The following ROBO2 variants were observed in gnomAD, a reference collection of about 807,000 sequenced individuals.
ROBO2 encodes roundabout homolog 2.
ROBO2 carries 53 observed loss-of-function variants against 160.8 expected under a neutral mutation model. That is an observed-to-expected ratio of 0.33 (90% CI 0.26 to 0.41). The LOEUF (loss-of-function observed/expected upper bound fraction) is 0.41. Among genes scored for constraint, ROBO2 ranks in the 10% least tolerant of loss-of-function variants. The pLI is 1.00. For synonymous variants in ROBO2, 664 were observed against 611.7 expected (o/e 1.09, Z -1.26); for missense variants, 1,577 against 1,722.4 (o/e 0.92, Z 1.49).
chr3:76,586,429 AG>A (rs1396522437), intron 2 of ROBO2, among the ~76,000 whole-genome samples: 1 of 152,230 alleles, frequency 6.6e-6, no homozygotes, highest in Non-Finnish European at 1.5e-5. Context: ...AATTAGTTCT[AG>A]TTCTCAGTCT....
At chr3:77,197,078 A>G (rs577957784) in intron 2 of ROBO2, among the ~76,000 whole-genome samples, 2 of 152,288 alleles carry the variant, frequency 1.3e-5, no homozygotes, top group East Asian at 3.9e-4. Context: ...ACAGGAAACC[A>G]CTATCTTCTA....
intron 2 of ROBO2, among the ~76,000 whole-genome samples, chr3:77,456,821 G>A (rs977287250): frequency 2.6e-5 from 4 of 152,152 alleles, no homozygotes; most frequent in African/African-American, 9.7e-5. Flanking sequence ...ATCATGGCCA[G>A]TGTCCTTTCA....
chr3:77,244,950 A>G (rs1364917831), intron 2 of ROBO2, among the ~76,000 whole-genome samples: 1 of 41,298 alleles, frequency 2.4e-5, no homozygotes, highest in African/African-American at 1.3e-4. Flanking sequence ...ACAAATGAAC[A>G]GCTTTTTTTT....
At chr3:77,589,563 AAAG>A (rs1315189895) in intron 17 of ROBO2, among the ~76,000 whole-genome samples, 1 of 152,134 alleles carries the variant, frequency 6.6e-6, no homozygotes, top group East Asian at 1.9e-4. Context: ...AGAACAATAA[AAAG>A]AAGACCCTAG....
intron 2 of ROBO2, among the ~76,000 whole-genome samples, chr3:76,905,334 TA>T (rs1478761104): frequency 6.6e-6 from 1 of 152,054 alleles, no homozygotes; most frequent in African/African-American, 2.4e-5. Context: ...CAATCACGTA[TA>T]GGGGGCACAC....
rs1204094838 is a variant in ROBO2 at position 77,234,678 on chromosome 3, T to G, written c.388+136338T>G. Among the ~76,000 whole-genome samples the G allele has an allele frequency of 2.6e-5, 4 of 152,346 alleles. No individual in the cohort carries two copies. In the East Asian group the frequency reaches 7.7e-4, roughly 29 times the overall value. On this transcript the variant is annotated intron_variant, in intron 2 of 25. Transcript: ENST00000461745. The stretch of plus-strand genomic sequence containing the variant: ...CACTTTCTTTATCCTTTTGTAATTT[T>G]CATGTTGACCTATGTAAGTGCTTTG...
intron 2 of ROBO2, among the ~76,000 whole-genome samples, chr3:76,495,200 T>G (rs1353277913): frequency 1.4e-5 from 2 of 147,566 alleles, no homozygotes; most frequent in Non-Finnish European, 3.0e-5. Flanking sequence ...TGCTTTGTAT[T>G]TATCTTCATT....
intron 2 of ROBO2, among the ~76,000 whole-genome samples, chr3:76,492,883 A>G (rs192052070): frequency 9.2e-5 from 14 of 152,302 alleles, no homozygotes; most frequent in Admixed American, 8.5e-4. Context: ...TTTAAATAGT[A>G]GTTTTATAAT....
At chr3:76,496,940 G>A (rs1192572035) in intron 2 of ROBO2, among the ~76,000 whole-genome samples, 1 of 152,018 alleles carries the variant, frequency 6.6e-6, no homozygotes, top group Non-Finnish European at 1.5e-5. Flanking sequence ...TAGTCACAAT[G>A]AACCTTTTAA....
intron 2 of ROBO2, among the ~76,000 whole-genome samples, chr3:76,948,310 C>T (rs1577730081): frequency 6.6e-6 from 1 of 152,024 alleles, no homozygotes; most frequent in African/African-American, 2.4e-5. Context: ...ATTTTTGTTT[C>T]CTGAATCCAA....
At chr3:76,096,817 T>C (rs1231707621) in intron 2 of ROBO2, among the ~76,000 whole-genome samples, 1 of 152,200 alleles carries the variant, frequency 6.6e-6, no homozygotes, top group Non-Finnish European at 1.5e-5. Context: ...AACCACAATA[T>C]TGTAGAGACG....
At chr3:77,375,859 A>G (rs922705696) in intron 2 of ROBO2, among the ~76,000 whole-genome samples, 8 of 149,384 alleles carry the variant, frequency 5.4e-5, no homozygotes, top group Admixed American at 3.3e-4. Context: ...AAAAAATAGT[A>G]CTGAAGTGCT....
chr3:77,474,202 TC>T (rs1430958779), intron 2 of ROBO2, among the ~76,000 whole-genome samples: 2 of 152,158 alleles, frequency 1.3e-5, no homozygotes, highest in Non-Finnish European at 2.9e-5. Context: ...GGTTATTGAA[TC>T]CGCCTAAAAA....
intron 2 of ROBO2, among the ~76,000 whole-genome samples, chr3:76,507,888 A>G (rs963878257): frequency 3.3e-5 from 5 of 152,302 alleles, no homozygotes; most frequent in African/African-American, 1.2e-4. Context: ...ATAGGAAATC[A>G]AAGTCATGAG....
intron 2 of ROBO2, among the ~76,000 whole-genome samples, chr3:76,877,899 A>G (rs1450302287): frequency 6.6e-6 from 1 of 152,190 alleles, no homozygotes; most frequent in East Asian, 1.9e-4. Flanking sequence ...AGGAAAGGAA[A>G]GGGCAAGGTG....
At chr3:75,995,953 G>A (rs887597613) in intron 2 of ROBO2, among the ~76,000 whole-genome samples, 4 of 152,142 alleles carry the variant, frequency 2.6e-5, no homozygotes, top group Admixed American at 6.5e-5. Context: ...TGGAATGGGT[G>A]CATTTACCCA....
chr3:77,094,952 A>G (rs1473975778), intron 1 of ROBO2, among the ~76,000 whole-genome samples: 1 of 152,136 alleles, frequency 6.6e-6, no homozygotes, highest in Non-Finnish European at 1.5e-5. Context: ...TATTGGGTAT[A>G]TGATTTGCAG....
rs748820050 is a variant in ROBO2, at chr3:76,365,486, A to G, written c.109+427884A>G. ...GCAGAGGCTAACTGGGGATCTGTCTATTAGAAATTACTCATAGCCGGGTGA... is the reference window on the plus strand; with the variant it reads ...GCAGAGGCTAACTGGGGATCTGTCTGTTAGAAATTACTCATAGCCGGGTGA... On this transcript the variant is annotated intron_variant, in intron 2 of 26. Transcript: ENST00000487694. 1.4e-4 allele frequency among the ~76,000 whole-genome samples: 21 copies of G among 152,086 alleles called. 1 individual carries two copies. Among genetic ancestry groups the G allele is most frequent in the Admixed American group, 3.9e-4 (6 of 15,228 alleles).
intron 2 of ROBO2, among the ~76,000 whole-genome samples, chr3:77,167,873 A>G (rs2079245163): frequency 6.6e-6 from 1 of 152,142 alleles, no homozygotes; most frequent in Non-Finnish European, 1.5e-5. Context: ...CTTCCAAAAA[A>G]GGGGACATGA....
Sources: gnomAD v4.1 joint callset for allele counts (sites outside exome capture counted in the v4.1 genomes callset) on GRCh38, gnomAD v4.1.1 for gene constraint, MANE v1.5 for transcripts, NCBI Gene and HGNC (gene_info 2026-07-23, HGNC 2026-07-21) for gene names.